The following DIP2C variants were observed in gnomAD, a reference collection of about 807,000 sequenced individuals.
The protein encoded by DIP2C is disco-interacting protein 2 homolog C.
DIP2C carries 33 observed loss-of-function variants against 192.4 expected under a neutral mutation model. The observed-to-expected ratio is 0.17, with a 90% confidence interval of 0.13 to 0.23. The LOEUF (loss-of-function observed/expected upper bound fraction) is 0.23. DIP2C is among the 10% of genes least tolerant of loss of function. The pLI, the probability that DIP2C is intolerant of heterozygous loss-of-function variation, is 1.00. For missense variants in DIP2C, 1,537 were observed against 2,110.1 expected, an observed-to-expected ratio of 0.73 and a Z score of 5.32; for synonymous variants, 979 against 864.1, an observed-to-expected ratio of 1.13 and a Z score of -2.33.
intron 3 of DIP2C, among the ~76,000 whole-genome samples, chr10:469,979 A>G (rs1970498038): frequency 6.6e-6 from 1 of 152,102 alleles, no homozygotes; most frequent in Non-Finnish European, 1.5e-5. Flanking sequence ...TCGTATTCTT[A>G]TGGAAGAAAG....
At chr10:616,436 G>C (rs1271518724) in intron 1 of DIP2C, among the ~76,000 whole-genome samples, 1 of 152,182 alleles carries the variant, frequency 6.6e-6, no homozygotes, top group East Asian at 1.9e-4. Context: ...CTTATTTTAG[G>C]AATTTTTAAA....
chr10:579,941 T>C (rs983896234), intron 1 of DIP2C, among the ~76,000 whole-genome samples: 1 of 151,688 alleles, frequency 6.6e-6, no homozygotes, highest in African/African-American at 2.4e-5. Context: ...CACTATAACA[T>C]GTATGTACAT....
intron 1 of DIP2C, among the ~76,000 whole-genome samples, chr10:594,916 C>A (rs992909366): frequency 2.0e-5 from 3 of 152,206 alleles, no homozygotes; most frequent in African/African-American, 7.2e-5. Context: ...AATTTCACTT[C>A]CCAGGACCAA....
At chr10:378,159 AAACT>A (rs1961854129) in intron 17 of DIP2C, among the ~76,000 whole-genome samples, 1 of 151,970 alleles carries the variant, frequency 6.6e-6, no homozygotes. Context: ...TTCTACTCTA[AAACT>A]AACATCGGGA....
At chr10:422,178 A>T (rs1169524889) in intron 5 of DIP2C, among the ~76,000 whole-genome samples, 2 of 152,204 alleles carry the variant, frequency 1.3e-5, no homozygotes, top group Non-Finnish European at 2.9e-5. Flanking sequence ...ACAAAACCCT[A>T]TTCAACCCAA....
chr10:413,791 G>A (rs1166985314), intron 8 of DIP2C, 122 bp downstream of exon 8: 2 of 1,280,128 alleles, frequency 1.6e-6, no homozygotes, highest in African/African-American at 1.5e-5. Context: ...CGTGGGCAAA[G>A]GGCAGAGGGT....
intron 2 of DIP2C, among the ~76,000 whole-genome samples, chr10:472,774 C>A (rs549432015): frequency 6.6e-6 from 1 of 152,322 alleles, no homozygotes; most frequent in East Asian, 1.9e-4. Flanking sequence ...GTCCCTTTCA[C>A]AGCACAAAGG....
At chr10:522,821 C>T (rs373941459) in intron 1 of DIP2C, among the ~76,000 whole-genome samples, 5 of 152,232 alleles carry the variant, frequency 3.3e-5, no homozygotes, top group African/African-American at 1.2e-4. Flanking sequence ...TCCCCGTCTG[C>T]GTGGCCCACA....
Position 351,684 on chromosome 10 carries a change from G to C in DIP2C, c.2986-2230C>G, listed in dbSNP as rs142101459. ...AGCAGAGATGGGCAGAGACAACAAG[G>C]AACGCAGGGCTGGAGTCCGGGAAAT... On this transcript the variant is annotated intron_variant, in intron 24 of 36. Coordinates refer to ENST00000280886, the MANE Select transcript of DIP2C (RefSeq NM_014974.3). Among the ~76,000 whole-genome samples, 860 of 152,336 alleles carry C rather than the reference G, an allele frequency of 5.6e-3. 9 individuals are homozygous for C. Among genetic ancestry groups the C allele is most frequent in the African/African-American group, 0.019 (797 of 41,584 alleles).
In DIP2C at chr10:327,192, G is replaced by A. The variant is rs1335143182; in HGVS notation, c.3754-16C>T. On this transcript the variant is annotated splice_polypyrimidine_tract_variant and intron_variant, in intron 30 of 36. Transcript: ENST00000280886. ...GCCCTCGCGCCTGGAGATGATGACA[G>A]AGAAACCGAGTCAGCCCCCACGTGT... 1 of 1,610,194 alleles carries A rather than the reference G, an allele frequency of 6.2e-7. No homozygotes were observed. The highest frequency in any genetic ancestry group is 8.5e-7 in the Non-Finnish European group (1 of 1,178,540).
At chr10:590,915 T>TC (rs1041894889) in intron 1 of DIP2C, among the ~76,000 whole-genome samples, 2 of 150,754 alleles carry the variant, frequency 1.3e-5, no homozygotes, top group Non-Finnish European at 2.9e-5. Context: ...GCGTGAGAAT[T>TC]CCCCCCTCGG....
intron 2 of DIP2C, among the ~76,000 whole-genome samples, chr10:474,272 C>T (rs1002104206): frequency 6.6e-6 from 1 of 152,214 alleles, no homozygotes; most frequent in African/African-American, 2.4e-5. Context: ...TGGTCATCAA[C>T]ATCAGCGTCC....
At chr10:309,140 G>A (rs1418279127) in intron 32 of DIP2C, among the ~76,000 whole-genome samples, 3 of 152,172 alleles carry the variant, frequency 2.0e-5, no homozygotes, top group Non-Finnish European at 2.9e-5. Flanking sequence ...CTGTTTCAAC[G>A]GGGGAAGTCT....
intron 1 of DIP2C, among the ~76,000 whole-genome samples, chr10:685,287 G>T (rs1346959223): frequency 6.6e-6 from 1 of 151,272 alleles, no homozygotes; most frequent in East Asian, 1.9e-4. Context: ...CTGCAAGCAG[G>T]TTCTCCCCTG....
chr10:488,913 G>T (rs761519913), intron 1 of DIP2C, among the ~76,000 whole-genome samples: 1 of 152,128 alleles, frequency 6.6e-6, no homozygotes, highest in Non-Finnish European at 1.5e-5. Context: ...ACACACAGAC[G>T]TCTGTGCCTG....
At chr10:278,412 G>A (rs1954636621) in intron 36 of DIP2C, among the ~76,000 whole-genome samples, 1 of 152,172 alleles carries the variant, frequency 6.6e-6, no homozygotes. Flanking sequence ...GGCTGGATAT[G>A]GGGGCTTCTC....
At chr10:587,232 G>A (rs963938633) in intron 1 of DIP2C, among the ~76,000 whole-genome samples, 9 of 151,050 alleles carry the variant, frequency 6.0e-5, no homozygotes, top group Non-Finnish European at 1.0e-4. Flanking sequence ...TGCTGACAGC[G>A]TGGCGAGGGG....
intron 1 of DIP2C, among the ~76,000 whole-genome samples, chr10:487,607 T>C (rs1844122071): frequency 7.7e-6 from 1 of 129,690 alleles, no homozygotes; most frequent in Non-Finnish European, 1.6e-5. Flanking sequence ...TGAGACAGTC[T>C]CTCTCTGTCG....
At position 593,493 on chromosome 10, in the gene DIP2C, C is replaced by G. The variant is rs545716258; in HGVS notation, c.85+96001G>C. On this transcript the variant is annotated intron_variant, in intron 1 of 36. Coordinates refer to ENST00000280886, the MANE Select transcript of DIP2C (RefSeq NM_014974.3). ...TGCTCTGCCCACGCGGGACCCCCCC[C>G]CCCCCACCCTTTCTGGAGAAATCAG... 3.0e-4 allele frequency among the ~76,000 whole-genome samples: 37 copies of G among 125,336 alleles called. 2 individuals are homozygous for G. The East Asian group carries it at 8.9e-3, about 30-fold the overall frequency. 82.2% of individuals were successfully genotyped at this position (125,336 alleles called of 152,430 possible). A position where few individuals can be genotyped will look rare whatever the true frequency, so the allele number is the denominator to read the frequency against.
Sources: gnomAD v4.1 joint callset for allele counts (sites outside exome capture counted in the v4.1 genomes callset) on GRCh38, gnomAD v4.1.1 for gene constraint, MANE v1.5 for transcripts, NCBI Gene and HGNC (gene_info 2026-07-23, HGNC 2026-07-21) for gene names.